The following RIMS1 variants were observed in gnomAD, a reference collection of about 807,000 sequenced individuals.
RIMS1 encodes the protein regulating synaptic membrane exocytosis 1.
Under a neutral mutation model 214.1 loss-of-function variants are expected in RIMS1, and 83 were observed. The ratio of observed to expected loss-of-function variants is 0.39; its 90% confidence interval spans 0.32 to 0.47. The LOEUF (loss-of-function observed/expected upper bound fraction) is 0.47. RIMS1 is among the 20% of genes least tolerant of loss of function. The probability of loss-of-function intolerance (pLI) is 0.99; values close to 1 mark genes in which losing one functional copy is unlikely to be tolerated. For missense variants in RIMS1, 2,050 were observed against 2,161.8 expected (o/e 0.95, Z 1.03); for synonymous variants, 793 against 786.8 (o/e 1.01, Z -0.13).
chr6:72,131,098 T>C (rs1273793864), intron 4 of RIMS1, among the ~76,000 whole-genome samples: 1 of 152,184 alleles, frequency 6.6e-6, no homozygotes, highest in Admixed American at 6.5e-5. Flanking sequence ...TCCTTTCTAA[T>C]AGAGAAAGTA....
chr6:72,021,895 G>A (rs1201856523), intron 2 of RIMS1, among the ~76,000 whole-genome samples: 2 of 152,150 alleles, frequency 1.3e-5, no homozygotes, highest in Non-Finnish European at 2.9e-5. Flanking sequence ...AGTCCCAGAA[G>A]TTGTACATAG....
chr6:71,933,834 C>G (rs1023601572), intron 1 of RIMS1, among the ~76,000 whole-genome samples: 1 of 152,070 alleles, frequency 6.6e-6, no homozygotes, highest in African/African-American at 2.4e-5. Context: ...CAATTACTAT[C>G]CATTTGAAAT....
Position 72,401,410 on chromosome 6 carries a change from T to C in RIMS1, c.*696T>C, listed in dbSNP as rs962504661. ...TTTCATTTTATAATTATTTAAAGTC[T>C]TATGTGTGGATACCCAAGAGACAAA... On this transcript the variant is annotated 3_prime_UTR_variant, in exon 34 of 34. Coordinates refer to ENST00000521978, the MANE Select transcript of RIMS1 (RefSeq NM_014989.7). The C allele has an allele frequency of 6.6e-6, 1 of 152,572 alleles. No homozygotes were observed. Among genetic ancestry groups the C allele is most frequent in the African/African-American group, 2.4e-5 (1 of 41,456 alleles). The allele number at this position is 152,572 out of a possible 1,614,324, so 9.5% of individuals were successfully genotyped here.
intron 29 of RIMS1, among the ~76,000 whole-genome samples, chr6:72,390,239 G>A (rs767249670): frequency 9.9e-5 from 15 of 152,256 alleles, no homozygotes; most frequent in Middle Eastern, 3.4e-3. Flanking sequence ...AGTGAATTCC[G>A]TATTAGGAGA....
intron 29 of RIMS1, among the ~76,000 whole-genome samples, chr6:72,379,956 T>C (rs1240336245): frequency 1.3e-5 from 2 of 152,050 alleles, no homozygotes; most frequent in Non-Finnish European, 2.9e-5. Context: ...ATAAAAGTTT[T>C]TAAAAATATA....
intron 6 of RIMS1, among the ~76,000 whole-genome samples, chr6:72,203,257 G>A (rs2052352694): frequency 1.3e-5 from 2 of 152,156 alleles, no homozygotes; most frequent in South Asian, 4.1e-4. Flanking sequence ...AAAGTGCTGG[G>A]ATTACAGGCA....
At position 72,097,009 on chromosome 6, in the gene RIMS1, G is replaced by A. The variant is rs749369997; in HGVS notation, c.306G>A (p.Ala102=). Residue 102 remains alanine (A), a synonymous_variant, in exon 3 of 34, where the codon GCG becomes GCA. Coordinates refer to ENST00000521978, the MANE Select transcript of RIMS1 (RefSeq NM_014989.7). ...KEQVRKIGEE[A]RRYQGEHKDD... ...AAGTGAGAAAAATAGGGGAAGAAGCGCGGCGTTACCAGGGCGAGCACAAAG... is the reference window on the plus strand; with the variant it reads ...AAGTGAGAAAAATAGGGGAAGAAGCACGGCGTTACCAGGGCGAGCACAAAG... 1.6e-5 allele frequency: 26 copies of A among 1,613,800 alleles called. No individual in the cohort carries two copies. Among genetic ancestry groups the A allele is most frequent in the Non-Finnish European group, 2.2e-5 (26 of 1,179,862 alleles).
intron 1 of RIMS1, among the ~76,000 whole-genome samples, chr6:71,953,581 CTTAT>C (rs1156875822): frequency 6.6e-6 from 1 of 151,654 alleles, no homozygotes; most frequent in African/African-American, 2.4e-5. Flanking sequence ...AACATTCTGA[CTTAT>C]TTCTCATTAT....
intron 4 of RIMS1, among the ~76,000 whole-genome samples, chr6:72,159,559 T>C (rs1244055772): frequency 1.4e-5 from 2 of 140,954 alleles, no homozygotes; most frequent in Non-Finnish European, 3.2e-5. Flanking sequence ...CTTGAATTAA[T>C]TTTTGTGTAA....
chr6:72,285,141 A>T (rs574999673), intron 24 of RIMS1, among the ~76,000 whole-genome samples: 3 of 152,298 alleles, frequency 2.0e-5, no homozygotes, highest in South Asian at 4.1e-4. Flanking sequence ...TGCCATGTTA[A>T]TACCATGCTA....
At chr6:72,116,985 A>T (rs544945657) in intron 4 of RIMS1, among the ~76,000 whole-genome samples, 1 of 152,068 alleles carries the variant, frequency 6.6e-6, no homozygotes, top group East Asian at 1.9e-4. Flanking sequence ...TAATATCTCC[A>T]TGTGACAGAT....
intron 9 of RIMS1, among the ~76,000 whole-genome samples, chr6:72,239,986 A>G (rs1173232430): frequency 6.6e-6 from 1 of 151,480 alleles, no homozygotes; most frequent in Non-Finnish European, 1.5e-5. Context: ...CTCACCTGGA[A>G]CAATAACTAA....
At chr6:72,390,425 A>G (rs550138411) in intron 29 of RIMS1, among the ~76,000 whole-genome samples, 173 bp from the exon 30 acceptor site, 2 of 152,214 alleles carry the variant, frequency 1.3e-5, no homozygotes, top group Non-Finnish European at 2.9e-5. Context: ...CCCTTAGCCA[A>G]GCATACTTTG....
Position 72,290,708 on chromosome 6 carries a change from G to T in RIMS1, c.3584G>T (p.Gly1195Val). Residue 1195 changes from glycine (G) to valine (V), a missense_variant, in exon 25 of 34, where the codon GGA becomes GTA. Gly to Val is a moderately radical substitution (Grantham distance 109). Transcript: ENST00000521978. The part of the protein sequence containing the change: ...RVLPTCLSRR[G>V]HAAPRATDQP... ...CTCCCAACATGTCTTTCTAGAAGGG[G>T]ACACGCAGCCCCAAGAGCAACTGAT... 1.2e-6 allele frequency: 2 copies of T among 1,613,672 alleles called. No homozygotes were observed. The highest frequency in any genetic ancestry group is 1.7e-6 in the Non-Finnish European group (2 of 1,179,722).
At chr6:72,150,026 G>A (rs185356401) in intron 4 of RIMS1, among the ~76,000 whole-genome samples, 1 of 152,290 alleles carries the variant, frequency 6.6e-6, no homozygotes, top group Non-Finnish European at 1.5e-5. Context: ...CAATCGAAAG[G>A]TGAGGGGGGT....
chr6:72,164,150 A>G (rs1241215348), intron 4 of RIMS1, among the ~76,000 whole-genome samples: 2 of 152,166 alleles, frequency 1.3e-5, no homozygotes, highest in Non-Finnish European at 2.9e-5. Context: ...CTGCTGTGCT[A>G]GCAATGAGCG....
chr6:72,030,264 T>TG (rs1817712913), intron 2 of RIMS1, among the ~76,000 whole-genome samples: 2 of 152,172 alleles, frequency 1.3e-5, no homozygotes, highest in Admixed American at 1.3e-4. Flanking sequence ...TGTGGGTCTT[T>TG]GGACTACATT....
intron 2 of RIMS1, among the ~76,000 whole-genome samples, chr6:72,025,946 G>A (rs1205606004): frequency 6.6e-6 from 1 of 152,182 alleles, no homozygotes; most frequent in Non-Finnish European, 1.5e-5. Flanking sequence ...TCTCCATGGA[G>A]CCACTTGTGT....
At chr6:72,001,367 G>C (rs971752254) in intron 2 of RIMS1, among the ~76,000 whole-genome samples, 1 of 152,102 alleles carries the variant, frequency 6.6e-6, no homozygotes, top group African/African-American at 2.4e-5. Flanking sequence ...ACATTAGATT[G>C]CAGTTCACAT....
Sources: gnomAD v4.1 joint callset for allele counts (sites outside exome capture counted in the v4.1 genomes callset) on GRCh38, gnomAD v4.1.1 for gene constraint, MANE v1.5 for transcripts, NCBI Gene and HGNC (gene_info 2026-07-23, HGNC 2026-07-21) for gene names.